The following CHRM3 variants were observed in gnomAD, a reference collection of about 807,000 sequenced individuals.
The protein encoded by CHRM3 is cholinergic receptor muscarinic 3, also known as muscarinic acetylcholine receptor M3.
In CHRM3, 11 loss-of-function variants were observed where a neutral mutation model predicts 41.8. The observed-to-expected ratio is 0.26, with a 90% CI of 0.17 to 0.44. The LOEUF (loss-of-function observed/expected upper bound fraction) is 0.44, where lower values mean the gene tolerates loss of function less well. CHRM3 is among the 20% of genes least tolerant of loss of function. The pLI is 1.00. For synonymous variants in CHRM3, 297 were observed against 301.4 expected (o/e 0.99, Z 0.15); for missense variants, 571 against 745.4 (o/e 0.77, Z 2.72).
At chr1:239,715,423 T>C (rs150078204) in intron 5 of CHRM3, among the ~76,000 whole-genome samples, 1 of 152,230 alleles carries the variant, frequency 6.6e-6, no homozygotes, top group East Asian at 1.9e-4. Context: ...AAGCTCTAAT[T>C]TGTAGCTATT....
intron 2 of CHRM3, among the ~76,000 whole-genome samples, chr1:239,498,787 A>G (rs752515802): frequency 4.6e-5 from 7 of 152,164 alleles, no homozygotes; most frequent in Non-Finnish European, 8.8e-5. Flanking sequence ...TTTACGGAAC[A>G]GTTAGCTAAT....
At chr1:239,599,901 CA>C (rs1175499015) in intron 3 of CHRM3, among the ~76,000 whole-genome samples, 1 of 152,054 alleles carries the variant, frequency 6.6e-6, no homozygotes, top group Non-Finnish European at 1.5e-5. Context: ...CTATCCTAGT[CA>C]AAAAAATTGT....
At chr1:239,593,683 A>G (rs796623857) in intron 3 of CHRM3, among the ~76,000 whole-genome samples, 36 of 152,268 alleles carry the variant, frequency 2.4e-4, no homozygotes, top group African/African-American at 7.7e-4. Context: ...CTACCAGGTT[A>G]AACAAAATAT....
intron 1 of CHRM3, among the ~76,000 whole-genome samples, chr1:239,439,336 C>T (rs1320746451): frequency 6.6e-6 from 1 of 152,090 alleles, no homozygotes; most frequent in Non-Finnish European, 1.5e-5. Context: ...ACTATCATAT[C>T]ATAGCTTTTA....
chr1:239,798,440 A>T (rs1044129981), intron 5 of CHRM3, among the ~76,000 whole-genome samples: 4 of 152,012 alleles, frequency 2.6e-5, no homozygotes, highest in Non-Finnish European at 4.4e-5. Flanking sequence ...CTTGATGGCA[A>T]CCCCTTTTTT....
At position 239,815,058 on chromosome 1, in the gene CHRM3, G is replaced by A. The variant is rs570923363; in HGVS notation, c.-146-12194G>A. On this transcript the variant is annotated intron_variant, in intron 5 of 6. Transcript: ENST00000676153. The stretch of plus-strand genomic sequence containing the variant: ...CCCAAAGTTCTGGGATTACAGGCAT[G>A]AGCCACCATGCCCGGCCCGCTGTTT... 2.0e-5 allele frequency among the ~76,000 whole-genome samples: 3 copies of A among 152,266 alleles called. No homozygotes were observed. The East Asian group carries it at 5.8e-4, about 29-fold the overall frequency.
chr1:239,875,981 A>G (rs112530725), intron 6 of CHRM3, among the ~76,000 whole-genome samples: 16 of 152,206 alleles, frequency 1.1e-4, no homozygotes, highest in African/African-American at 3.9e-4. Flanking sequence ...CATCCCTTAT[A>G]ATAGACTACA....
intron 3 of CHRM3, among the ~76,000 whole-genome samples, chr1:239,573,999 A>G (rs1467724765): frequency 6.6e-6 from 1 of 152,066 alleles, no homozygotes; most frequent in Non-Finnish European, 1.5e-5. Flanking sequence ...TCCTGATCTA[A>G]TGCTCTTTGC....
intron 5 of CHRM3, among the ~76,000 whole-genome samples, chr1:239,800,587 T>G (rs1670133330): frequency 6.6e-6 from 1 of 152,196 alleles, no homozygotes; most frequent in South Asian, 2.1e-4. Context: ...GAGTGAAGTC[T>G]GAGATTCTGC....
At chr1:239,460,487 A>G (rs1665276418) in intron 1 of CHRM3, among the ~76,000 whole-genome samples, 1 of 151,822 alleles carries the variant, frequency 6.6e-6, no homozygotes, top group Non-Finnish European at 1.5e-5. Context: ...TTGCATTTAT[A>G]TTTTTTTTCT....
intron 3 of CHRM3, among the ~76,000 whole-genome samples, chr1:239,587,328 C>A (rs1663531067): frequency 6.6e-6 from 1 of 152,310 alleles, no homozygotes; most frequent in East Asian, 1.9e-4. Flanking sequence ...AACAAAGCCA[C>A]ATACAGGCCA....
intron 5 of CHRM3, among the ~76,000 whole-genome samples, chr1:239,769,880 CAA>C (rs879934676): frequency 7.3e-6 from 1 of 136,672 alleles, no homozygotes. Flanking sequence ...GACTCTGTCT[CAA>C]AAAAAAAAAA....
intron 4 of CHRM3, among the ~76,000 whole-genome samples, chr1:239,637,085 A>C (rs1473653086): frequency 6.6e-6 from 1 of 152,234 alleles, no homozygotes; most frequent in Admixed American, 6.5e-5. Flanking sequence ...TAGAACTTCC[A>C]AATAAAGTCT....
intron 2 of CHRM3, among the ~76,000 whole-genome samples, chr1:239,535,251 G>A (rs182703985): frequency 9.2e-5 from 14 of 152,182 alleles, no homozygotes; most frequent in African/African-American, 1.9e-4. Context: ...CAGAATCCAC[G>A]TACTGTGGAC....
rs147484504 is a variant in CHRM3, at chr1:239,440,010, C to T, written c.-520-52699C>T. Among the ~76,000 whole-genome samples, 701 of 151,446 alleles carry T rather than the reference C, an allele frequency of 4.6e-3. 5 individuals carry two copies. The highest frequency in any genetic ancestry group is 0.016 in the African/African-American group (658 of 41,272). ...GTTAGGAGTTCGAGACTAGCCTGACCAACATGGTGAAACCCTGTCTCTACT... is the reference window on the plus strand; with the variant it reads ...GTTAGGAGTTCGAGACTAGCCTGACTAACATGGTGAAACCCTGTCTCTACT... On this transcript the variant is annotated intron_variant, in intron 1 of 6. Coordinates refer to ENST00000676153, the MANE Select transcript of CHRM3 (RefSeq NM_001375978.1).
intron 1 of CHRM3, among the ~76,000 whole-genome samples, chr1:239,411,866 T>G (rs1661099760): frequency 2.0e-5 from 3 of 150,814 alleles, no homozygotes; most frequent in African/African-American, 4.9e-5. Context: ...CAGTGCACGA[T>G]CCCCAATTTC....
chr1:239,796,367 G>A (rs906843715), intron 5 of CHRM3, among the ~76,000 whole-genome samples: 1 of 152,112 alleles, frequency 6.6e-6, no homozygotes, highest in Non-Finnish European at 1.5e-5. Context: ...AAAAATCACA[G>A]CATATTTTAA....
At chr1:239,642,918 G>C (rs1352138439) in intron 4 of CHRM3, among the ~76,000 whole-genome samples, 1 of 152,166 alleles carries the variant, frequency 6.6e-6, no homozygotes, top group Non-Finnish European at 1.5e-5. Context: ...GGTCTTTGAT[G>C]ATGGTGATGT....
intron 5 of CHRM3, among the ~76,000 whole-genome samples, chr1:239,794,384 G>GTTTTT (rs1553268968): frequency 8.4e-6 from 1 of 119,144 alleles, no homozygotes; most frequent in Non-Finnish European, 1.7e-5. Flanking sequence ...TAATTCGTTT[G>GTTTTT]TTGTTTTTTT....
Sources: allele counts gnomAD v4.1 joint callset (sites outside exome capture counted in the v4.1 genomes callset), GRCh38; gene constraint gnomAD v4.1.1; transcripts MANE v1.5; gene names NCBI Gene and HGNC (gene_info 2026-07-23, HGNC 2026-07-21).